TMEM132D: variants seen among roughly 807,000 people sequenced by gnomAD.
The protein encoded by TMEM132D is mature OL transmembrane protein.
In TMEM132D, 21 loss-of-function variants were observed where a neutral mutation model predicts 62.3. That is an observed-to-expected ratio of 0.34 (90% CI 0.24 to 0.49). TMEM132D has a LOEUF of 0.49. TMEM132D is among the 20% of genes least tolerant of loss of function. TMEM132D has a pLI of 0.99. For synonymous variants in TMEM132D, 621 were observed against 575.6 expected, an observed-to-expected ratio of 1.08 and a Z score of -1.13; for missense variants, 1,346 against 1,402.8, an observed-to-expected ratio of 0.96 and a Z score of 0.65.
intron 2 of TMEM132D, among the ~76,000 whole-genome samples, chr12:129,620,196 T>C (rs1399107018): frequency 6.6e-6 from 1 of 152,236 alleles, no homozygotes; most frequent in Admixed American, 6.5e-5. Flanking sequence ...GCCCAAGCTC[T>C]GTCTCCTGGA....
chr12:129,254,796 T>C (rs1448371472), intron 4 of TMEM132D, among the ~76,000 whole-genome samples: 1 of 152,194 alleles, frequency 6.6e-6, no homozygotes, highest in Non-Finnish European at 1.5e-5. Context: ...GATATTTCTT[T>C]ACAGATGTTA....
Position 129,586,866 on chromosome 12 carries a change from T to C in TMEM132D, c.969-55661A>G, listed in dbSNP as rs186476232. Among the ~76,000 whole-genome samples the C allele has an allele frequency of 1.1e-4, 16 of 152,178 alleles. No homozygotes were observed. The East Asian group carries it at 3.1e-3, about 29-fold the overall frequency. ...AATCAATAGGGAAAGGATAGAAGAC[T>C]CAGTAAATGGCTATACATGTTAAAA... On this transcript the variant is annotated intron_variant, in intron 2 of 8. Coordinates refer to ENST00000422113, the MANE Select transcript of TMEM132D (RefSeq NM_133448.3).
chr12:129,387,373 C>T (rs1020623024), intron 3 of TMEM132D, among the ~76,000 whole-genome samples: 14 of 151,914 alleles, frequency 9.2e-5, no homozygotes, highest in African/African-American at 2.7e-4. Context: ...ACATTAATAC[C>T]AACACTAACA....
intron 5 of TMEM132D, among the ~76,000 whole-genome samples, chr12:129,195,756 A>G (rs920472740): frequency 6.6e-6 from 1 of 152,214 alleles, no homozygotes; most frequent in South Asian, 2.1e-4. Flanking sequence ...CCACAGAACT[A>G]AAAAGCTGTT....
intron 3 of TMEM132D, among the ~76,000 whole-genome samples, chr12:129,435,485 A>AT (rs1215573928): frequency 6.6e-6 from 1 of 152,022 alleles, no homozygotes; most frequent in Non-Finnish European, 1.5e-5. Context: ...AGTATTTGTT[A>AT]TTTTTTGTCT....
intron 3 of TMEM132D, among the ~76,000 whole-genome samples, chr12:129,351,692 G>A (rs1869867319): frequency 6.6e-6 from 1 of 152,192 alleles, no homozygotes; most frequent in Non-Finnish European, 1.5e-5. Context: ...TTTCTGCTTA[G>A]TTTACTTGGA....
intron 3 of TMEM132D, among the ~76,000 whole-genome samples, chr12:129,512,239 C>G (rs936922770): frequency 2.0e-5 from 3 of 152,178 alleles, no homozygotes; most frequent in African/African-American, 7.2e-5. Context: ...CGGCATGCAC[C>G]TGAATTGCAG....
intron 5 of TMEM132D, among the ~76,000 whole-genome samples, chr12:129,099,845 A>G (rs551233423): frequency 1.1e-3 from 135 of 124,654 alleles, no homozygotes; most frequent in African/African-American, 7.5e-3. Context: ...TTATTTTTTG[A>G]GACGGAGTCT....
At position 129,867,983 on chromosome 12, in the gene TMEM132D, C is replaced by T. The variant is rs11060593; in HGVS notation, c.79+35278G>A. Among the ~76,000 whole-genome samples, 2 of 148,262 alleles carry T rather than the reference C, an allele frequency of 1.3e-5. No homozygotes were observed. The highest frequency in any genetic ancestry group is 3.0e-5 in the Non-Finnish European group (2 of 67,196). On this transcript the variant is annotated intron_variant, in intron 1 of 8. Transcript: ENST00000422113. The surrounding 1 kb of genome is among the most constrained non-coding windows in gnomAD (Gnocchi z 4.5). The stretch of plus-strand genomic sequence containing the variant: ...TGGTACACATGAGACAGCATTTGTA[C>T]GGTACACACATGAGGCGGCGTTTCT...
At chr12:129,424,795 G>T (rs1167340140) in intron 3 of TMEM132D, among the ~76,000 whole-genome samples, 2 of 149,670 alleles carry the variant, frequency 1.3e-5, no homozygotes, top group Non-Finnish European at 3.0e-5. Flanking sequence ...TAAAACAAGT[G>T]TATTGAGACA....
At chr12:129,897,527 T>C (rs1371173469) in intron 1 of TMEM132D, among the ~76,000 whole-genome samples, 1 of 151,972 alleles carries the variant, frequency 6.6e-6, no homozygotes, top group East Asian at 1.9e-4. Context: ...GCAAGTTCTT[T>C]AAGAAGCTTG....
At chr12:129,787,306 G>A (rs1215870692) in intron 1 of TMEM132D, among the ~76,000 whole-genome samples, 1 of 152,156 alleles carries the variant, frequency 6.6e-6, no homozygotes, top group African/African-American at 2.4e-5. Context: ...AAGGAGAGAA[G>A]GAAAAAGAAT....
intron 1 of TMEM132D, among the ~76,000 whole-genome samples, chr12:129,825,671 G>T (rs555974935): frequency 6.6e-6 from 1 of 152,238 alleles, no homozygotes; most frequent in East Asian, 1.9e-4. Flanking sequence ...AATTACCCAG[G>T]AGGGGCTGCA....
intron 1 of TMEM132D, among the ~76,000 whole-genome samples, chr12:129,784,497 G>A (rs60249204): frequency 0.02 from 3,004 of 152,048 alleles, 101 homozygotes; most frequent in African/African-American, 0.069. Flanking sequence ...GATAAAAGGC[G>A]GAGCACAAGA....
chr12:129,627,965 T>C (rs265615), intron 2 of TMEM132D, among the ~76,000 whole-genome samples: 34,344 of 152,188 alleles, frequency 0.23, 4,231 homozygotes, highest in Admixed American at 0.28. Context: ...CCAGCCTGCG[T>C]GACAAAGTGA....
intron 3 of TMEM132D, among the ~76,000 whole-genome samples, chr12:129,463,079 T>C (rs1479818282): frequency 6.6e-6 from 1 of 152,166 alleles, no homozygotes; most frequent in Non-Finnish European, 1.5e-5. Context: ...ACAGCATCAC[T>C]TGTTTCCAAG....
intron 4 of TMEM132D, among the ~76,000 whole-genome samples, chr12:129,319,890 A>G (rs1296761105): frequency 6.6e-6 from 1 of 152,220 alleles, no homozygotes; most frequent in Non-Finnish European, 1.5e-5. Flanking sequence ...TCTATCACAG[A>G]TCCAAGATCC....
intron 1 of TMEM132D, among the ~76,000 whole-genome samples, chr12:129,810,803 CA>C (rs1319210543): frequency 6.6e-6 from 1 of 151,948 alleles, no homozygotes; most frequent in African/African-American, 2.4e-5. Flanking sequence ...GAACAATGTC[CA>C]AAAAATCGAG....
chr12:129,875,536 G>A (rs924251726), intron 1 of TMEM132D, among the ~76,000 whole-genome samples: 1 of 152,126 alleles, frequency 6.6e-6, no homozygotes, highest in African/African-American at 2.4e-5. Context: ...CCCATTTAGA[G>A]AGGATTTGTA....
Sources: gnomAD v4.1 joint callset for allele counts (sites outside exome capture counted in the v4.1 genomes callset) on GRCh38, gnomAD v4.1.1 for gene constraint, Gnocchi (gnomAD v3.1) non-coding constraint, MANE v1.5 for transcripts, NCBI Gene and HGNC (gene_info 2026-07-23, HGNC 2026-07-21) for gene names.